The following RBFOX1 variants were observed in gnomAD, a reference collection of about 807,000 sequenced individuals.
The protein encoded by RBFOX1 is RNA binding fox-1 homolog 1.
RBFOX1 carries 8 observed loss-of-function variants against 57.7 expected under a neutral mutation model. The ratio of observed to expected loss-of-function variants is 0.14; its 90% CI spans 0.08 to 0.25. The LOEUF (loss-of-function observed/expected upper bound fraction) is 0.25. RBFOX1 is among the 10% of genes least tolerant of loss of function. The probability of loss-of-function intolerance (pLI) is 1.00; values close to 1 mark genes in which losing one functional copy is unlikely to be tolerated. For synonymous variants in RBFOX1, 326 were observed against 222.4 expected, an observed-to-expected ratio of 1.47 and a Z score of -4.15; for missense variants, 611 against 548.5, an observed-to-expected ratio of 1.11 and a Z score of -1.14.
At chr16:6,487,973 C>G (rs1224433126) in intron 2 of RBFOX1, among the ~76,000 whole-genome samples, 2 of 151,868 alleles carry the variant, frequency 1.3e-5, no homozygotes, top group South Asian at 2.1e-4. Context: ...TTTGAATTAA[C>G]TTGTTCACAC....
At chr16:7,189,425 CAAAA>C (rs1159617665) in intron 4 of RBFOX1, among the ~76,000 whole-genome samples, 3 of 67,620 alleles carry the variant, frequency 4.4e-5, no homozygotes, top group Non-Finnish European at 5.7e-5. Flanking sequence ...GACTCCCTCT[CAAAA>C]AAAAAAAAAA....
intron 3 of RBFOX1, among the ~76,000 whole-genome samples, chr16:5,676,411 G>A (rs1005875451): frequency 2.2e-4 from 34 of 152,106 alleles, no homozygotes; most frequent in African/African-American, 6.5e-4. Flanking sequence ...ATATCATTTA[G>A]GAAGTTAAGA....
rs148473758 is a variant in RBFOX1 at position 5,539,395 on chromosome 16, C to G, written c.259-59507C>G. Among the ~76,000 whole-genome samples the G allele has an allele frequency of 3.0e-3, 452 of 151,770 alleles. 1 individual carries two copies. The highest frequency in any genetic ancestry group is 5.3e-3 in the Non-Finnish European group (359 of 67,938). ...ATCACTTGAGGTCCGGAATTGGAGA[C>G]CAGCCTGGCCAACATGACAAAACCC... On this transcript the variant is annotated intron_variant, in intron 2 of 2. Coordinates refer to the RBFOX1 transcript ENST00000585867.
At chr16:6,446,198 C>A (rs937460461) in intron 2 of RBFOX1, among the ~76,000 whole-genome samples, 1 of 152,084 alleles carries the variant, frequency 6.6e-6, no homozygotes, top group African/African-American at 2.4e-5. Flanking sequence ...GAGCCAGGGT[C>A]TTGTCATGTT....
At chr16:6,977,089 T>G (rs2087158239) in intron 3 of RBFOX1, among the ~76,000 whole-genome samples, 1 of 144,888 alleles carries the variant, frequency 6.9e-6, no homozygotes, top group South Asian at 2.1e-4. Flanking sequence ...TGATCTATAT[T>G]TTATATATAT....
At chr16:5,928,148 C>T (rs58007501) in intron 4 of RBFOX1, among the ~76,000 whole-genome samples, 22 of 152,006 alleles carry the variant, frequency 1.4e-4, no homozygotes, top group Non-Finnish European at 2.1e-4. Flanking sequence ...GGCTGGAGAA[C>T]AGTGGTGTGA....
chr16:6,922,170 G>GATCC (rs2074599694), intron 3 of RBFOX1, among the ~76,000 whole-genome samples: 1 of 152,138 alleles, frequency 6.6e-6, no homozygotes. Context: ...ATGTGAAATG[G>GATCC]ATCCTGGGGG....
chr16:6,304,085 C>G (rs1043557299), intron 1 of RBFOX1, among the ~76,000 whole-genome samples: 1 of 151,742 alleles, frequency 6.6e-6, no homozygotes, highest in Non-Finnish European at 1.5e-5. Context: ...GCTGGGATTA[C>G]AGGTGTGAGC....
At chr16:6,758,729 T>C (rs1372044356) in intron 3 of RBFOX1, among the ~76,000 whole-genome samples, 4 of 152,222 alleles carry the variant, frequency 2.6e-5, no homozygotes. Context: ...TAAATGCTTA[T>C]ATTGATTGCC....
chr16:5,716,993 A>G lies in RBFOX1; in HGVS notation c.318+118032A>G, dbSNP rs74006224. ...AATGAGTTCAAGGTTTCCTCCTGGCATAGGGAGCTGTATTAGCAGCAGAAA... is the reference window on the plus strand; with the variant it reads ...AATGAGTTCAAGGTTTCCTCCTGGCGTAGGGAGCTGTATTAGCAGCAGAAA... On this transcript the variant is annotated intron_variant, in intron 3 of 19. Coordinates refer to the RBFOX1 transcript ENST00000641259. Among the ~76,000 whole-genome samples, 283 of 152,222 alleles carry G rather than the reference A, an allele frequency of 1.9e-3. 2 individuals carry two copies. Among genetic ancestry groups the G allele is most frequent in the African/African-American group, 6.5e-3 (269 of 41,504 alleles).
At chr16:6,724,885 G>A (rs1003463173) in intron 3 of RBFOX1, among the ~76,000 whole-genome samples, 1 of 151,992 alleles carries the variant, frequency 6.6e-6, no homozygotes, top group South Asian at 2.1e-4. Context: ...CTCCCCCAAA[G>A]CCATATAGGG....
At chr16:5,710,496 C>G (rs1287415689) in intron 3 of RBFOX1, among the ~76,000 whole-genome samples, 2 of 152,076 alleles carry the variant, frequency 1.3e-5, no homozygotes, top group Admixed American at 1.3e-4. Flanking sequence ...ACAATGCTGC[C>G]CTAATTGTCT....
chr16:5,265,735 C>T (rs974872166), intron 1 of RBFOX1, among the ~76,000 whole-genome samples: 2 of 152,172 alleles, frequency 1.3e-5, no homozygotes, highest in African/African-American at 4.8e-5. Flanking sequence ...GCCTGACTAT[C>T]AGAGGCTGAA....
At chr16:5,702,060 T>C (rs750414929) in intron 3 of RBFOX1, among the ~76,000 whole-genome samples, 63 of 152,150 alleles carry the variant, frequency 4.1e-4, no homozygotes, top group Non-Finnish European at 5.7e-4. Context: ...CATAAGTAGC[T>C]ATCAGTGAGA....
intron 4 of RBFOX1, among the ~76,000 whole-genome samples, chr16:7,105,519 A>G (rs969082862): frequency 6.6e-6 from 1 of 151,898 alleles, no homozygotes; most frequent in Non-Finnish European, 1.5e-5. Flanking sequence ...CCATTGTGTC[A>G]TTCTTATGCC....
intron 3 of RBFOX1, among the ~76,000 whole-genome samples, chr16:6,703,556 TA>T (rs1314226459): frequency 6.6e-6 from 1 of 151,432 alleles, no homozygotes; most frequent in African/African-American, 2.4e-5. Flanking sequence ...AAAATAAAAA[TA>T]AAAAAAGCCT....
chr16:7,645,182 C>G (rs536748240), intron 11 of RBFOX1, among the ~76,000 whole-genome samples: 17 of 152,236 alleles, frequency 1.1e-4, no homozygotes, highest in Non-Finnish European at 2.2e-4. Flanking sequence ...CCTATAACAG[C>G]CTAGAAACTT....
intron 4 of RBFOX1, among the ~76,000 whole-genome samples, chr16:7,060,839 A>C (rs923350661): frequency 6.6e-6 from 1 of 152,162 alleles, no homozygotes; most frequent in Admixed American, 6.5e-5. Context: ...CTGTCCTCAA[A>C]AGCATTCCTC....
chr16:5,354,674 GC>G (rs2065343531), intron 1 of RBFOX1, among the ~76,000 whole-genome samples: 1 of 152,236 alleles, frequency 6.6e-6, no homozygotes, highest in Non-Finnish European at 1.5e-5. Context: ...TTTGTGTAGG[GC>G]AGCTCTTTTC....
Sources: allele counts gnomAD v4.1 joint callset (sites outside exome capture counted in the v4.1 genomes callset), GRCh38; gene constraint gnomAD v4.1.1; transcripts MANE v1.5; gene names NCBI Gene and HGNC (gene_info 2026-07-23, HGNC 2026-07-21).